The following FHIP1A variants were observed in gnomAD, a reference collection of about 807,000 sequenced individuals.
The protein encoded by FHIP1A is FHF complex subunit HOOK-interacting protein 1A.
A neutral mutation model predicts 88.6 loss-of-function variants in FHIP1A; 61 were observed. The observed-to-expected ratio is 0.69, with a 90% CI of 0.56 to 0.85. The LOEUF is 0.85. Ranked by LOEUF, FHIP1A falls within the 40% of genes least tolerant of loss-of-function variation. The probability of loss-of-function intolerance (pLI) is 0.00; values close to 1 mark genes in which losing one functional copy is unlikely to be tolerated. For synonymous variants in FHIP1A, 478 were observed against 496.0 expected, an observed-to-expected ratio of 0.96 and a Z score of 0.48; for missense variants, 1,154 against 1,273.5, an observed-to-expected ratio of 0.91 and a Z score of 1.43.
In FHIP1A at chr4:151,649,792, A is replaced by T; in HGVS notation, c.1751A>T (p.Asp584Val). 1 of 1,551,678 alleles carries T rather than the reference A, an allele frequency of 6.4e-7. No homozygotes were observed. The change falls in exon 11 of 14, where the codon GAC (aspartate) becomes GTC (valine). Residue 584 changes from aspartate to valine, a missense_variant. Physicochemically the swap from Asp to Val is radical, Grantham distance 152. Coordinates refer to ENST00000435205, the MANE Select transcript of FHIP1A (RefSeq NM_001109977.3). ...QTELEWDDSY[D>V]TGISSGADVG... ...GAGCTGGAATGGGATGACAGCTATG[A>T]CACTGGAATCTCCTCAGGGGCTGAC... is the stretch of plus-strand genomic sequence containing the variant.
intron 7 of FHIP1A, among the ~76,000 whole-genome samples, chr4:151,597,787 G>A (rs1734707224): frequency 6.6e-6 from 1 of 152,176 alleles, no homozygotes; most frequent in African/African-American, 2.4e-5. Flanking sequence ...GCTGCGGAGG[G>A]CTCTGTCCAG....
intron 1 of FHIP1A, among the ~76,000 whole-genome samples, chr4:151,445,978 C>T (rs1393598086): frequency 2.0e-5 from 3 of 151,194 alleles, no homozygotes; most frequent in Non-Finnish European, 2.9e-5. Context: ...ATGAAGGTAG[C>T]GCTGTTGCAC....
chr4:151,540,975 A>G (rs1732262163), intron 3 of FHIP1A, among the ~76,000 whole-genome samples: 1 of 152,238 alleles, frequency 6.6e-6, no homozygotes, highest in Non-Finnish European at 1.5e-5. Context: ...GAGACACAGT[A>G]GAATAATATC....
chr4:151,586,233 C>T (rs1734205634), intron 5 of FHIP1A, among the ~76,000 whole-genome samples: 1 of 152,082 alleles, frequency 6.6e-6, no homozygotes, highest in Non-Finnish European at 1.5e-5. Flanking sequence ...TATGTGCCTT[C>T]TCTGTATTTG....
intron 2 of FHIP1A, among the ~76,000 whole-genome samples, chr4:151,469,544 C>T (rs1418814997): frequency 1.3e-5 from 2 of 152,170 alleles, no homozygotes; most frequent in East Asian, 3.9e-4. Flanking sequence ...AGCTTGGACA[C>T]TCCCACTACA....
chr4:151,606,320 A>G (rs937442109), intron 7 of FHIP1A, among the ~76,000 whole-genome samples: 5 of 152,074 alleles, frequency 3.3e-5, no homozygotes, highest in African/African-American at 1.2e-4. Context: ...CCTGAGGAAA[A>G]ACGTCTTGAA....
At chr4:151,499,969 C>T (rs1208497053) in intron 3 of FHIP1A, among the ~76,000 whole-genome samples, 2 of 152,204 alleles carry the variant, frequency 1.3e-5, no homozygotes, top group South Asian at 2.1e-4. Flanking sequence ...ATGAGTCCCC[C>T]TCCATTCTCC....
intron 7 of FHIP1A, among the ~76,000 whole-genome samples, chr4:151,594,628 G>A (rs1734577427): frequency 6.6e-6 from 1 of 151,380 alleles, no homozygotes. Context: ...CCAGGCTGGA[G>A]TGCAGTGGTG....
In FHIP1A at chr4:151,668,054, G is replaced by C. The variant is rs914969871; in HGVS notation, c.*5300G>C. Among the ~76,000 whole-genome samples, 10 of 152,152 alleles carry C rather than the reference G, an allele frequency of 6.6e-5. No homozygotes were observed. The highest frequency in any genetic ancestry group is 2.0e-4 in the Admixed American group (3 of 15,278). ...TGGATATTTTAAAAGAGGGAATTTG[G>C]TGTTGACAATCTTACTTACACGACT... On this transcript the variant is annotated 3_prime_UTR_variant, in exon 14 of 14. Coordinates refer to ENST00000435205, the MANE Select transcript of FHIP1A (RefSeq NM_001109977.3).
In FHIP1A at chr4:151,577,769, C is replaced by T; in HGVS notation, c.425C>T (p.Pro142Leu). The T allele has an allele frequency of 6.4e-7, 1 of 1,551,982 alleles. No individual in the cohort carries two copies. Among genetic ancestry groups the T allele is most frequent in the East Asian group, 2.4e-5 (1 of 40,916 alleles). ...CTGCACCACAAACCCATTCTGAAGCCTCTGATGATGTTGCTGAGCTCTTGT... is the reference window on the plus strand; with the variant it reads ...CTGCACCACAAACCCATTCTGAAGCTTCTGATGATGTTGCTGAGCTCTTGT... ...PLLHHKPILK[P>L]LMMLLSSCSG... The change falls in exon 5 of 14, where the codon CCT becomes CTT. Residue 142 changes from proline (P) to leucine (L), a missense_variant. Physicochemically the swap from Pro to Leu is moderately conservative, Grantham distance 98 (BLOSUM62 -3). Transcript: ENST00000435205.
chr4:151,433,945 AT>A (rs1386875191), intron 1 of FHIP1A, among the ~76,000 whole-genome samples: 1 of 151,968 alleles, frequency 6.6e-6, no homozygotes, highest in Non-Finnish European at 1.5e-5. Flanking sequence ...CTGTTGGGAG[AT>A]TTTTCCGTCA....
At chr4:151,565,727 A>T (rs1346513430) in intron 3 of FHIP1A, among the ~76,000 whole-genome samples, 1 of 151,950 alleles carries the variant, frequency 6.6e-6, no homozygotes, top group African/African-American at 2.4e-5. Flanking sequence ...CTGGTATCAT[A>T]ATAGTTTGGT....
chr4:151,471,248 A>G (rs1314843371), intron 2 of FHIP1A, among the ~76,000 whole-genome samples: 1 of 151,020 alleles, frequency 6.6e-6, no homozygotes. Flanking sequence ...ATTTCCTCAA[A>G]GTTCCTTTTA....
intron 1 of FHIP1A, among the ~76,000 whole-genome samples, chr4:151,411,343 A>ATTTTTTTTTTTTTTT (rs370374898): frequency 8.9e-6 from 1 of 112,178 alleles, no homozygotes; most frequent in African/African-American, 3.7e-5. Flanking sequence ...GTGAAATTAT[A>ATTTTTTTTTTTTTTT]TATATATTTT....
chr4:151,499,933 T>A (rs1235397632), intron 3 of FHIP1A, among the ~76,000 whole-genome samples: 1 of 152,190 alleles, frequency 6.6e-6, no homozygotes, highest in Non-Finnish European at 1.5e-5. Flanking sequence ...CAAGATAAGA[T>A]TTGGGTGGTG....
chr4:151,661,197 G>C (rs1398364401), intron 13 of FHIP1A, among the ~76,000 whole-genome samples: 1 of 152,148 alleles, frequency 6.6e-6, no homozygotes, highest in African/African-American at 2.4e-5. Flanking sequence ...CAGGGCCTGA[G>C]CTAGGGTTGG....
chr4:151,599,729 C>T (rs899792132), intron 7 of FHIP1A, among the ~76,000 whole-genome samples: 3 of 152,122 alleles, frequency 2.0e-5, no homozygotes, highest in Non-Finnish European at 4.4e-5. Context: ...GGCCCCAGCT[C>T]AGTAATGCTC....
At chr4:151,556,173 A>G (rs1299579937) in intron 3 of FHIP1A, among the ~76,000 whole-genome samples, 1 of 152,138 alleles carries the variant, frequency 6.6e-6, no homozygotes, top group Non-Finnish European at 1.5e-5. Context: ...TTTAAAGCTG[A>G]AAGTTCTCTA....
chr4:151,662,712 G>C lies in FHIP1A; in HGVS notation c.3081G>C (p.Leu1027=). ...LAALAQEHSI[L]CYKILGDFED... is the part of the protein sequence containing the mutation. ...CCTTGGCCCAGGAACACTCCATTCT[G>C]TGCTACAAGATCTTGGGTGACTTTG... Residue 1027 remains leucine (L), a synonymous_variant, in exon 14 of 14, where the codon CTG becomes CTC. Transcript: ENST00000435205. 6.5e-7 allele frequency: 1 copy of C among 1,547,728 alleles called. No homozygotes were observed. The highest frequency in any genetic ancestry group is 8.7e-7 in the Non-Finnish European group (1 of 1,145,866).
Sources: allele counts gnomAD v4.1 joint callset (sites outside exome capture counted in the v4.1 genomes callset), GRCh38; gene constraint gnomAD v4.1.1; transcripts MANE v1.5; gene names NCBI Gene and HGNC (gene_info 2026-07-23, HGNC 2026-07-21).